The following SNX2 variants were observed in gnomAD, a reference collection of about 807,000 sequenced individuals.
SNX2 encodes sorting nexin 2, also known as sorting nexin-2.
Under a neutral mutation model 69.9 loss-of-function variants are expected in SNX2, and 25 were observed. The observed-to-expected ratio is 0.36, with a 90% CI of 0.26 to 0.50. The LOEUF (loss-of-function observed/expected upper bound fraction) is 0.50, where lower values mean the gene tolerates loss of function less well. SNX2 is among the 20% of genes least tolerant of loss of function. SNX2 has a pLI of 0.97. For missense variants in SNX2, 551 were observed against 613.3 expected (o/e 0.90, Z 1.07); for synonymous variants, 229 against 200.4 (o/e 1.14, Z -1.20).
intron 11 of SNX2, among the ~76,000 whole-genome samples, chr5:122,823,935 C>G (rs1328580822): frequency 6.6e-6 from 1 of 152,062 alleles, no homozygotes; most frequent in Non-Finnish European, 1.5e-5. Flanking sequence ...GGCGCGGTGG[C>G]TCATGCCTGT....
At chr5:122,807,138 T>C (rs753382554) in intron 6 of SNX2, among the ~76,000 whole-genome samples, 49 of 151,794 alleles carry the variant, frequency 3.2e-4, no homozygotes, top group Non-Finnish European at 4.6e-4. Context: ...ATTAGCTGGG[T>C]GTGGTGGTGC....
At chr5:122,780,313 A>G (rs1752948041) in intron 1 of SNX2, among the ~76,000 whole-genome samples, 1 of 152,216 alleles carries the variant, frequency 6.6e-6, no homozygotes, top group South Asian at 2.1e-4. Context: ...CAGGTGATAT[A>G]TGTGTAATTA....
intron 6 of SNX2, among the ~76,000 whole-genome samples, chr5:122,804,161 G>A (rs957843608): frequency 6.6e-6 from 1 of 151,888 alleles, no homozygotes; most frequent in African/African-American, 2.4e-5. Flanking sequence ...GAAGTTAAAA[G>A]CAGTTGGAAG....
At chr5:122,826,259 T>A in intron 12 of SNX2, 66 bp downstream of exon 12, 1 of 1,368,934 alleles carries the variant, frequency 7.3e-7, no homozygotes, top group Non-Finnish European at 9.6e-7. Context: ...ATACATAATT[T>A]TTCATAATTT....
At chr5:122,805,636 T>C (rs1753625631) in intron 6 of SNX2, among the ~76,000 whole-genome samples, 1 of 152,098 alleles carries the variant, frequency 6.6e-6, no homozygotes, top group Admixed American at 6.6e-5. Context: ...CAATCCAAAG[T>C]GTTGAAATCT....
chr5:122,789,436 CACACAT>C lies in SNX2; in HGVS notation c.109-5824_109-5819del, dbSNP rs1309858334. 4.1e-5 allele frequency among the ~76,000 whole-genome samples: 3 copies of C among 74,040 alleles called. No individual in the cohort carries two copies. The South Asian group carries it at 1.9e-3, about 47-fold the overall frequency. The allele number at this position is 74,040 out of a possible 152,430, so 48.6% of individuals were successfully genotyped here. A position where few individuals can be genotyped will look rare whatever the true frequency, so the allele number is the denominator to read the frequency against. On this transcript the variant is annotated intron_variant, in intron 1 of 14. Coordinates refer to ENST00000379516, the MANE Select transcript of SNX2 (RefSeq NM_003100.4). The stretch of plus-strand genomic sequence containing the variant: ...ACCGCCCCACCTTCCCCACCACACA[CACACAT>C]ACACACACACACACACACACAGACA...
intron 1 of SNX2, among the ~76,000 whole-genome samples, chr5:122,779,010 C>T (rs1206328795): frequency 6.6e-6 from 1 of 152,114 alleles, no homozygotes; most frequent in South Asian, 2.1e-4. Context: ...TTTATGAATA[C>T]TGTTTTATTC....
chr5:122,813,436 T>C (rs896304103), intron 7 of SNX2, among the ~76,000 whole-genome samples: 4 of 152,124 alleles, frequency 2.6e-5, no homozygotes, highest in African/African-American at 4.8e-5. Flanking sequence ...TTCTGGAATA[T>C]CATTTTTCAA....
intron 11 of SNX2, among the ~76,000 whole-genome samples, chr5:122,824,201 C>CA (rs398050704): frequency 5.7e-4 from 64 of 112,616 alleles, no homozygotes; most frequent in Middle Eastern, 4.3e-3. Context: ...GACTCTGTCT[C>CA]AAAAAAAAAA....
intron 10 of SNX2, 21 bp downstream of exon 10, chr5:122,817,394 AC>A (rs1753922620): frequency 1.3e-6 from 2 of 1,511,618 alleles, no homozygotes; most frequent in South Asian, 1.1e-5. Flanking sequence ...CTTACTACTT[AC>A]GTAGTTAGCA....
chr5:122,833,353 GAAC>G lies in SNX2; in HGVS notation c.*3708_*3710del, dbSNP rs1197519025. ...TATGGAGAAGGTCCTTAAGAGCATA[GAAC>G]AATATAAATATAATATGGGCCATAT... is the stretch of plus-strand genomic sequence containing the variant. On this transcript the variant is annotated 3_prime_UTR_variant, in exon 15 of 15. Transcript: ENST00000379516. 1.3e-5 allele frequency: 2 copies of G among 151,946 alleles called. No homozygotes were observed. The highest frequency in any genetic ancestry group is 4.8e-5 in the African/African-American group (2 of 41,350). 9.4% of individuals were successfully genotyped at this position (151,946 alleles called of 1,614,324 possible).
chr5:122,795,402 T>C lies in SNX2; in HGVS notation c.226+19T>C, dbSNP rs200890479. On this transcript the variant is annotated intron_variant, in intron 2 of 14. Transcript: ENST00000379516. ...TTTGCAGGTAATTGTCATGTATTTA[T>C]TTTTTAATAATGGTCAATTGCAGTA... 446 of 1,458,084 alleles carry C rather than the reference T, an allele frequency of 3.1e-4. 1 individual carries two copies. The African/African-American group carries it at 5.7e-3, about 19-fold the overall frequency. 90.3% of individuals were successfully genotyped at this position (1,458,084 alleles called of 1,614,324 possible).
rs1410541354 is a variant in SNX2, at chr5:122,794,394, T to G, written c.109-872T>G. On this transcript the variant is annotated intron_variant, in intron 1 of 14. Transcript: ENST00000379516. ...TGTCTTGAGAGGTCACATTTTTAGT[T>G]TGAAGCGATAGAAATTTTAGAATAA... is the stretch of plus-strand genomic sequence containing the variant. Among the ~76,000 whole-genome samples, 3 of 152,226 alleles carry G rather than the reference T, an allele frequency of 2.0e-5. No individual in the cohort carries two copies. In the East Asian group the frequency reaches 5.8e-4, roughly 29 times the overall value.
intron 1 of SNX2, among the ~76,000 whole-genome samples, chr5:122,788,173 T>C (rs752936504): frequency 5.9e-5 from 9 of 152,268 alleles, no homozygotes; most frequent in Non-Finnish European, 1.3e-4. Context: ...TCTGCATCAA[T>C]AGGTCTTTCA....
At chr5:122,799,089 G>T (rs13159710) in intron 2 of SNX2, among the ~76,000 whole-genome samples, 30,356 of 151,962 alleles carry the variant, frequency 0.2, 3,464 homozygotes, top group East Asian at 0.46. Flanking sequence ...GATTTGGTTT[G>T]ATTTTTTAAA....
intron 1 of SNX2, among the ~76,000 whole-genome samples, chr5:122,778,029 AG>A (rs1219727293): frequency 6.6e-6 from 1 of 152,232 alleles, no homozygotes; most frequent in Admixed American, 6.5e-5. Context: ...TACTTCTGTT[AG>A]ATGAACTTTT....
At chr5:122,796,178 A>G (rs1289850239) in intron 2 of SNX2, among the ~76,000 whole-genome samples, 3 of 152,160 alleles carry the variant, frequency 2.0e-5, no homozygotes, top group Non-Finnish European at 4.4e-5. Flanking sequence ...AATCTTTGAG[A>G]TTGCCTCCCT....
At chr5:122,827,774 T>A in intron 14 of SNX2, 128 bp downstream of exon 14, 1 of 692,914 alleles carries the variant, frequency 1.4e-6, no homozygotes, top group Non-Finnish European at 2.5e-6. Context: ...AGAAAGCCAG[T>A]GATGGTAAAG....
Position 122,816,906 on chromosome 5 carries a change from C to G in SNX2, c.799-9C>G, listed in dbSNP as rs1338259785. ...GGTTTGTTTGCCCTTATTTGTCATT[C>G]AATTCCAGCTGCCTAGAGCAGTTAA... On this transcript the variant is annotated splice_polypyrimidine_tract_variant and intron_variant, in intron 8 of 14. Transcript: ENST00000379516. 6.3e-7 allele frequency: 1 copy of G among 1,577,598 alleles called. No homozygotes were observed. The highest frequency in any genetic ancestry group is 1.3e-5 in the African/African-American group (1 of 74,096).
Sources: gnomAD v4.1 joint callset for allele counts (sites outside exome capture counted in the v4.1 genomes callset) on GRCh38, gnomAD v4.1.1 for gene constraint, MANE v1.5 for transcripts, NCBI Gene and HGNC (gene_info 2026-07-23, HGNC 2026-07-21) for gene names.